Variants in CCDC93 observed in about 807,000 individuals in gnomAD.
CCDC93 encodes coiled-coil domain-containing protein 93.
CCDC93 carries 61 observed loss-of-function variants against 108.2 expected under a neutral mutation model. The observed-to-expected ratio is 0.56, with a 90% CI of 0.46 to 0.70. CCDC93 has a LOEUF of 0.70. Ranked by LOEUF, CCDC93 falls within the 30% of genes least tolerant of loss-of-function variation. The pLI is 0.00. For missense variants in CCDC93, 685 were observed against 764.2 expected, an observed-to-expected ratio of 0.90 and a Z score of 1.22; for synonymous variants, 276 against 260.4, an observed-to-expected ratio of 1.06 and a Z score of -0.58.
Position 118,014,023 on chromosome 2 carries a change from A to G in CCDC93, c.-28T>C. The stretch of plus-strand genomic sequence containing the variant: ...TCCGACCGGGCTGTCGTAAGGCGAG[A>G]GCGAAGCCCGCCAAGCGTCCGGAGG... On this transcript the variant is annotated 5_prime_UTR_variant, in exon 1 of 24. Coordinates refer to ENST00000376300, the MANE Select transcript of CCDC93 (RefSeq NM_019044.5). 6.3e-6 allele frequency: 10 copies of G among 1,588,644 alleles called. No individual in the cohort carries two copies. Among genetic ancestry groups the G allele is most frequent in the African/African-American group, 1.3e-5 (1 of 74,646 alleles).
intron 13 of CCDC93, chr2:117,949,941 C>T: frequency 1.0e-6 from 1 of 985,406 alleles, no homozygotes; most frequent in Non-Finnish European, 1.2e-6. Context: ...TGTTGGGGAT[C>T]TGCATTAGGA....
chr2:117,941,618 G>A (rs546253949), intron 18 of CCDC93, among the ~76,000 whole-genome samples: 1 of 152,136 alleles, frequency 6.6e-6, no homozygotes, highest in Non-Finnish European at 1.5e-5. Context: ...AAGGAGTCTA[G>A]AATAGCCAGC....
chr2:117,962,479 C>T (rs908041377), intron 11 of CCDC93, among the ~76,000 whole-genome samples: 1 of 151,798 alleles, frequency 6.6e-6, no homozygotes, highest in Non-Finnish European at 1.5e-5. Context: ...CCCTACTCTA[C>T]TAAAAATACA....
At chr2:117,937,835 G>A (rs551712185) in intron 20 of CCDC93, among the ~76,000 whole-genome samples, 20 of 152,184 alleles carry the variant, frequency 1.3e-4, no homozygotes, top group African/African-American at 4.6e-4. Context: ...TCTGTTATAC[G>A]CCTACCACTG....
At position 117,986,133 on chromosome 2, in the gene CCDC93, G is replaced by A; in HGVS notation, c.520-64C>T. 3 of 842,334 alleles carry A rather than the reference G, an allele frequency of 3.6e-6. No individual in the cohort carries two copies. In the South Asian group the frequency reaches 4.4e-5, roughly 12 times the overall value. The allele number at this position is 842,334 out of a possible 1,614,324, so 52.2% of individuals were successfully genotyped here. On this transcript the variant is annotated intron_variant, in intron 6 of 23. Coordinates refer to ENST00000376300, the MANE Select transcript of CCDC93 (RefSeq NM_019044.5). ...GGCTCTCCTCCTGAATTGGCTGCTGGATGCCTCCAGCCATGGGGTATATTC... is the reference window on the plus strand; with the variant it reads ...GGCTCTCCTCCTGAATTGGCTGCTGAATGCCTCCAGCCATGGGGTATATTC...
Position 117,949,351 on chromosome 2 carries a change from G to A in CCDC93, c.1113C>T (p.Leu371=), listed in dbSNP as rs777954784. Residue 371 remains leucine (L), a synonymous_variant, in exon 14 of 24, where the codon CTC becomes CTT. Transcript: ENST00000376300. ...GATCAGCTTTGGATTCTATCTTCTC[G>A]AGGGCTGCTTGCTCTTTGTCCAGTT... ...SEKLDKEQAA[L]EKIESKADPS... is the part of the protein sequence containing the mutation. 14 of 1,613,720 alleles carry A rather than the reference G, an allele frequency of 8.7e-6. No individual in the cohort carries two copies. The highest frequency in any genetic ancestry group is 2.2e-5 in the East Asian group (1 of 44,876).
At chr2:117,934,196 A>T (rs1678446931) in intron 22 of CCDC93, 1 of 152,174 alleles carries the variant, frequency 6.6e-6, no homozygotes, top group African/African-American at 2.4e-5. Context: ...AGCAGAAGTC[A>T]AAGGAAAAAA....
intron 12 of CCDC93, among the ~76,000 whole-genome samples, chr2:117,952,920 G>A (rs1679105142): frequency 6.6e-6 from 1 of 152,178 alleles, no homozygotes; most frequent in African/African-American, 2.4e-5. Context: ...ACACATAGAA[G>A]ATAGGATTCA....
intron 4 of CCDC93, chr2:117,999,173 G>A (rs6729220): frequency 0.29 from 43,431 of 151,980 alleles, 6,680 homozygotes; most frequent in African/African-American, 0.38. Flanking sequence ...GCTAGAAAGC[G>A]ACCAACTTGA....
intron 6 of CCDC93, among the ~76,000 whole-genome samples, chr2:117,994,182 C>T (rs991665667): frequency 2.7e-5 from 4 of 149,706 alleles, no homozygotes; most frequent in Non-Finnish European, 4.4e-5. Context: ...CGGTTGCTTC[C>T]GTGTTGTGAA....
intron 23 of CCDC93, among the ~76,000 whole-genome samples, chr2:117,926,781 C>T (rs1330531137): frequency 1.3e-5 from 2 of 152,126 alleles, no homozygotes; most frequent in African/African-American, 4.8e-5. Context: ...AGGCCAGCAT[C>T]ATCCTGATAC....
At chr2:117,959,665 C>T (rs867837241) in intron 11 of CCDC93, among the ~76,000 whole-genome samples, 9 of 152,290 alleles carry the variant, frequency 5.9e-5, no homozygotes, top group Middle Eastern at 3.4e-3. Flanking sequence ...AAACAACCAG[C>T]AGGATACAGC....
At chr2:117,998,171 T>C (rs1680721846) in intron 4 of CCDC93, 1 of 152,178 alleles carries the variant, frequency 6.6e-6, no homozygotes, top group South Asian at 2.1e-4. Flanking sequence ...AGAAATTAGA[T>C]CTGCTTTTTT....
intron 4 of CCDC93, chr2:118,000,164 A>G (rs190830453): frequency 6.6e-6 from 1 of 152,390 alleles, no homozygotes; most frequent in East Asian, 1.9e-4. Flanking sequence ...TAATGAGAGA[A>G]GCAGATAAAC....
At chr2:117,936,024 GTT>G (rs796616696) in intron 21 of CCDC93, among the ~76,000 whole-genome samples, 2 of 143,424 alleles carry the variant, frequency 1.4e-5, no homozygotes, top group Non-Finnish European at 1.5e-5. Flanking sequence ...GTGGTTTTTT[GTT>G]TTTTTTTTTA....
At chr2:117,964,848 T>C (rs1208564132) in intron 11 of CCDC93, among the ~76,000 whole-genome samples, 2 of 152,170 alleles carry the variant, frequency 1.3e-5, no homozygotes, top group Non-Finnish European at 2.9e-5. Flanking sequence ...AGCGATCCTC[T>C]CGCCTCAGGC....
chr2:117,950,221 C>G (rs1036232046), intron 13 of CCDC93: 36 of 985,286 alleles, frequency 3.7e-5, no homozygotes, highest in Middle Eastern at 5.2e-4. Context: ...GAACATATAA[C>G]CAAGGATCAT....
In CCDC93 at chr2:117,985,977, T is replaced by C. The variant is rs756119063; in HGVS notation, c.612A>G (p.Glu204=). 1.2e-6 allele frequency: 2 copies of C among 1,606,506 alleles called. No individual in the cohort carries two copies. Among genetic ancestry groups the C allele is most frequent in the East Asian group, 2.2e-5 (1 of 44,800 alleles). ...TGGGTCCCACTCATTACCTGCCATA[T>C]TCCAAAAGTGTAGCATGGATTCGAG... ...EESRIHATLL[E]YGRRYGFSRQ... Residue 204 remains glutamate (E), a synonymous_variant, in exon 7 of 24, where the codon GAA becomes GAG. Transcript: ENST00000376300.
intron 11 of CCDC93, among the ~76,000 whole-genome samples, chr2:117,973,103 C>T (rs988925020): frequency 6.6e-6 from 1 of 152,156 alleles, no homozygotes. Flanking sequence ...ATAACGCCTC[C>T]AGATTACTGG....
Sources: allele counts gnomAD v4.1 joint callset (sites outside exome capture counted in the v4.1 genomes callset), GRCh38; gene constraint gnomAD v4.1.1; transcripts MANE v1.5; gene names NCBI Gene and HGNC (gene_info 2026-07-23, HGNC 2026-07-21).